The following ADGRB1 variants were observed in gnomAD, a reference collection of about 807,000 sequenced individuals.
ADGRB1 encodes adhesion G protein-coupled receptor B1, also known as brain-specific angiogenesis inhibitor 1.
ADGRB1 carries 36 observed loss-of-function variants against 175.7 expected under a neutral mutation model. That is an observed-to-expected ratio of 0.20 (90% CI 0.16 to 0.27). The LOEUF is 0.27. Ranked by LOEUF, ADGRB1 falls within the 10% of genes least tolerant of loss-of-function variation. The pLI is 1.00. For missense variants in ADGRB1, 1,731 were observed against 2,255.3 expected (o/e 0.77, Z 4.71); for synonymous variants, 1,054 against 979.4 (o/e 1.08, Z -1.42).
intron 24 of ADGRB1, among the ~76,000 whole-genome samples, chr8:142,527,544 G>A (rs778282865): frequency 1.3e-5 from 2 of 152,128 alleles, no homozygotes; most frequent in Admixed American, 6.5e-5. Context: ...TGCGTGCCAT[G>A]GCCCTGGGGT....
intron 4 of ADGRB1, 125 bp from the exon 5 acceptor site, chr8:142,476,989 G>C (rs954084293): frequency 2.3e-6 from 3 of 1,310,584 alleles, no homozygotes; most frequent in Admixed American, 3.0e-5. Flanking sequence ...TCGAAGGCCC[G>C]GGGGCTCTGC....
intron 2 of ADGRB1, among the ~76,000 whole-genome samples, chr8:142,466,606 G>A (rs1840290023): frequency 6.6e-6 from 1 of 152,236 alleles, no homozygotes; most frequent in African/African-American, 2.4e-5. Context: ...GGCTGGGTGG[G>A]AGGGGCTGAG....
At chr8:142,524,189 GCACGCCCCTCTGCA>G in intron 22 of ADGRB1, 35 bp from the exon 23 acceptor site, 1 of 1,565,018 alleles carries the variant, frequency 6.4e-7, no homozygotes, top group Non-Finnish European at 8.6e-7. Flanking sequence ...GCACCTCTCT[GCACGCCCCTCTGCA>G]CACGGGCGGT....
At chr8:142,512,394 G>A (rs533283761) in intron 18 of ADGRB1, among the ~76,000 whole-genome samples, 3 of 152,324 alleles carry the variant, frequency 2.0e-5, no homozygotes, top group African/African-American at 7.2e-5. Context: ...GCTTTCACTG[G>A]GCAGCCTTTC....
chr8:142,481,052 T>C (rs907890507), intron 9 of ADGRB1, among the ~76,000 whole-genome samples: 2 of 152,230 alleles, frequency 1.3e-5, no homozygotes, highest in East Asian at 1.9e-4. Flanking sequence ...TCCTGAGTCC[T>C]TGGGGCAGGT....
At position 142,477,490 on chromosome 8, in the gene ADGRB1, G is replaced by A; in HGVS notation, c.1328G>A (p.Gly443Asp). The change falls in exon 6 of 31, where the codon GGC becomes GAC. Residue 443 changes from glycine (G) to aspartate (D), a missense_variant. Physicochemically the swap from Gly to Asp is moderately conservative, Grantham distance 94. Coordinates refer to ENST00000517894, the MANE Select transcript of ADGRB1 (RefSeq NM_001702.3). ...ACCTGCAGGCCCCCCCAGTTTGGGG[G>A]CAACCCCTGTGAGGGCCCTGAGAAG... ...TRTCRPPQFG[G>D]NPCEGPEKQT... 1 of 1,613,148 alleles carries A rather than the reference G, an allele frequency of 6.2e-7. No individual in the cohort carries two copies. Among genetic ancestry groups the A allele is most frequent in the Non-Finnish European group, 8.5e-7 (1 of 1,179,822 alleles).
At chr8:142,526,343 C>A (rs1167084879) in intron 23 of ADGRB1, among the ~76,000 whole-genome samples, 199 bp from the exon 24 acceptor site, 1 of 152,166 alleles carries the variant, frequency 6.6e-6, no homozygotes, top group Non-Finnish European at 1.5e-5. Context: ...ACAGAGAGGG[C>A]CCTGCACAGT....
rs964451604 is a variant in ADGRB1, at chr8:142,510,622, C to A, written c.2676-310C>A. On this transcript the variant is annotated intron_variant, in intron 17 of 30. Transcript: ENST00000517894. This position sits in a 1 kb window ranked among gnomAD's most constrained non-coding sequence, Gnocchi z 6.3. Reference sequence around the variant, plus strand: ...GGCGGGGGCGCGGGGCGGGCGACTGCCGGGCCCCGGGCCAGCTCTCGCCCC... The same window carrying A: ...GGCGGGGGCGCGGGGCGGGCGACTGACGGGCCCCGGGCCAGCTCTCGCCCC... Among the ~76,000 whole-genome samples the A allele has an allele frequency of 6.9e-6, 1 of 145,944 alleles. No individual in the cohort carries two copies. The highest frequency in any genetic ancestry group is 1.5e-5 in the Non-Finnish European group (1 of 65,632).
chr8:142,477,754 G>A (rs1408872342), intron 6 of ADGRB1, among the ~76,000 whole-genome samples: 1 of 152,110 alleles, frequency 6.6e-6, no homozygotes, highest in Non-Finnish European at 1.5e-5. Context: ...GGCTGGGTGT[G>A]GGGTGGTGAC....
intron 7 of ADGRB1, chr8:142,479,087 G>A (rs1465316620): frequency 2.3e-6 from 1 of 437,888 alleles, no homozygotes; most frequent in African/African-American, 2.1e-5. Context: ...TGTGGAGGGT[G>A]GTGGGGTTGG....
chr8:142,529,661 T>G (rs1056358668), intron 24 of ADGRB1, among the ~76,000 whole-genome samples: 1 of 145,054 alleles, frequency 6.9e-6, no homozygotes, highest in African/African-American at 2.6e-5. Flanking sequence ...CGTGTGTGAG[T>G]GTGCATCTGT....
At chr8:142,472,512 C>T (rs1362532293) in intron 2 of ADGRB1, among the ~76,000 whole-genome samples, 8 of 152,198 alleles carry the variant, frequency 5.3e-5, no homozygotes, top group African/African-American at 7.2e-5. Context: ...CCCAGTGAAG[C>T]GTGGCTTGAA....
chr8:142,481,131 T>C, intron 9 of ADGRB1, 123 bp from the exon 10 acceptor site: 1 of 845,018 alleles, frequency 1.2e-6, no homozygotes, highest in Non-Finnish European at 2.0e-6. Flanking sequence ...CGTGAGGCCA[T>C]GGGCGAGTCC....
chr8:142,464,470 T>G lies in ADGRB1; in HGVS notation c.272T>G (p.Val91Gly). 1.3e-6 allele frequency: 2 copies of G among 1,581,624 alleles called. No individual in the cohort carries two copies. Among genetic ancestry groups the G allele is most frequent in the Non-Finnish European group, 1.7e-6 (2 of 1,168,444 alleles). Residue 91 changes from valine to glycine, a missense_variant, in exon 2 of 31, where the codon GTG becomes GGG. Val to Gly is a moderately radical substitution (Grantham distance 109). Around this residue, in one of 8 missense-constraint regions of ADGRB1, gnomAD observed 383 missense variants for 383.1 expected, o/e 1.00. Coordinates refer to ENST00000517894, the MANE Select transcript of ADGRB1 (RefSeq NM_001702.3). ...TLYMKVAKAPVPCSGPGRVRT... is the reference protein window; with the variant it reads ...TLYMKVAKAPGPCSGPGRVRT... ...TACATGAAGGTGGCCAAGGCGCCCG[T>G]GCCCTGCAGCGGCCCCGGCCGCGTG...
At chr8:142,454,531 G>A (rs182046772) in intron 1 of ADGRB1, among the ~76,000 whole-genome samples, 11 of 152,294 alleles carry the variant, frequency 7.2e-5, no homozygotes, top group African/African-American at 1.9e-4. Context: ...CAGACCGCAC[G>A]ATCCAGAAGA....
chr8:142,518,796 A>G (rs951422781), intron 19 of ADGRB1, among the ~76,000 whole-genome samples: 2 of 152,216 alleles, frequency 1.3e-5, no homozygotes, highest in Admixed American at 1.3e-4. Flanking sequence ...ACTCCCCGCT[A>G]TCTGCTCCTG....
At chr8:142,458,285 C>T (rs939542368) in intron 1 of ADGRB1, among the ~76,000 whole-genome samples, 1 of 152,266 alleles carries the variant, frequency 6.6e-6, no homozygotes, top group Middle Eastern at 3.4e-3. Context: ...GTGGGGAAAC[C>T]GAGGTGCAGG....
intron 22 of ADGRB1, among the ~76,000 whole-genome samples, chr8:142,523,385 C>T (rs548793801): frequency 4.8e-5 from 4 of 83,348 alleles, no homozygotes; most frequent in Admixed American, 4.2e-4. Flanking sequence ...GAGGAAGTGA[C>T]TGATGCTGGC....
intron 2 of ADGRB1, among the ~76,000 whole-genome samples, chr8:142,471,507 C>A (rs1323807629): frequency 6.6e-6 from 1 of 152,184 alleles, no homozygotes; most frequent in African/African-American, 2.4e-5. Context: ...CCAAGGAGCA[C>A]CTGCCTGATC....
Sources: gnomAD v4.1 joint callset for allele counts (sites outside exome capture counted in the v4.1 genomes callset) on GRCh38, gnomAD v4.1.1 for gene constraint, gnomAD v4.1.1 regional missense constraint, Gnocchi (gnomAD v3.1) non-coding constraint, MANE v1.5 for transcripts, NCBI Gene and HGNC (gene_info 2026-07-23, HGNC 2026-07-21) for gene names.